STK3: variants seen among roughly 807,000 people sequenced by gnomAD.
The protein encoded by STK3 is serine/threonine-protein kinase 3.
A neutral mutation model predicts 58.0 loss-of-function variants in STK3; 41 were observed. The ratio of observed to expected loss-of-function variants is 0.71; its 90% CI spans 0.55 to 0.92. The LOEUF (loss-of-function observed/expected upper bound fraction) is 0.92, where lower values mean the gene tolerates loss of function less well. Among genes scored for constraint, STK3 ranks in the 40% least tolerant of loss-of-function variants. STK3 has a pLI of 0.00. For missense variants in STK3, 479 were observed against 602.7 expected, an observed-to-expected ratio of 0.79 and a Z score of 2.15; for synonymous variants, 170 against 191.0, an observed-to-expected ratio of 0.89 and a Z score of 0.91.
the STK3 span, among the ~76,000 whole-genome samples, chr8:98,356,786 C>T: frequency 6.6e-5 from 10 of 152,212 alleles, no homozygotes. Flanking sequence ...TTCAACCCCA[C>T]AGCTGGAGTC....
Position 98,445,512 on chromosome 8 carries a change from A to AT in STK3, n.186-8305dup, listed in dbSNP as rs756514037. Among the ~76,000 whole-genome samples, 118 of 152,056 alleles carry AT rather than the reference A, an allele frequency of 7.8e-4. 1 individual carries two copies. Among genetic ancestry groups the AT allele is most frequent in the Middle Eastern group, 6.8e-3 (2 of 294 alleles). ...TATTGAGATATTTTACTTTTTTTGT[A>AT]TTTTTTTGTATTTTCACAGTAAAAT... is the stretch of plus-strand genomic sequence containing the variant. On this transcript the variant is annotated intron_variant and non_coding_transcript_variant, in intron 1 of 3. Coordinates refer to the STK3 transcript ENST00000517832.
intron 6 of STK3, among the ~76,000 whole-genome samples, chr8:98,685,888 G>C (rs1823959744): frequency 6.6e-6 from 1 of 151,936 alleles, no homozygotes; most frequent in African/African-American, 2.4e-5. Flanking sequence ...AGGAAGATAA[G>C]GGCAGGTTCA....
chr8:98,793,966 T>G (rs1434961282), intron 1 of STK3, among the ~76,000 whole-genome samples: 1 of 152,086 alleles, frequency 6.6e-6, no homozygotes, highest in Non-Finnish European at 1.5e-5. Context: ...ACAATTAAAT[T>G]AAAGCAGAAA....
At chr8:98,929,873 G>A (rs1054466466) in intron 1 of STK3, among the ~76,000 whole-genome samples, 1 of 152,174 alleles carries the variant, frequency 6.6e-6, no homozygotes, top group African/African-American at 2.4e-5. Context: ...GAACTTTGTA[G>A]CTGAAAGGAA....
At chr8:98,709,450 T>A (rs529825231) in intron 4 of STK3, among the ~76,000 whole-genome samples, 15 of 152,170 alleles carry the variant, frequency 9.9e-5, no homozygotes, top group Non-Finnish European at 2.1e-4. Flanking sequence ...TCCACACTCA[T>A]TTTAAGAGGC....
intron 10 of STK3, among the ~76,000 whole-genome samples, chr8:98,461,671 A>T (rs1819989351): frequency 6.6e-6 from 1 of 152,064 alleles, no homozygotes; most frequent in Non-Finnish European, 1.5e-5. Context: ...TCTCGTAGGG[A>T]TGCTCTGGTA....
At chr8:98,735,382 T>C (rs1828500902) in intron 4 of STK3, among the ~76,000 whole-genome samples, 1 of 152,172 alleles carries the variant, frequency 6.6e-6, no homozygotes, top group East Asian at 1.9e-4. Flanking sequence ...CTGGGTTATC[T>C]ACAAAGAAGT....
intron 4 of STK3, among the ~76,000 whole-genome samples, chr8:98,723,199 A>G (rs1827561253): frequency 6.6e-6 from 1 of 152,156 alleles, no homozygotes; most frequent in Admixed American, 6.5e-5. Context: ...GAGAGATAAT[A>G]AACCATGAAT....
At chr8:98,489,319 T>G (rs764754593) in intron 10 of STK3, among the ~76,000 whole-genome samples, 1 of 152,172 alleles carries the variant, frequency 6.6e-6, no homozygotes, top group Non-Finnish European at 1.5e-5. Context: ...GTTCTCTACA[T>G]GCCTTCCCAG....
chr8:98,615,481 GAGA>G (rs1217939576), intron 6 of STK3, among the ~76,000 whole-genome samples: 3 of 150,010 alleles, frequency 2.0e-5, no homozygotes, highest in South Asian at 4.3e-4. Flanking sequence ...GACGAGCTGA[GAGA>G]AGAAGGTTTC....
chr8:98,936,612 T>C (rs112829336), intron 1 of STK3, among the ~76,000 whole-genome samples: 195 of 152,316 alleles, frequency 1.3e-3, no homozygotes, highest in African/African-American at 4.4e-3. Context: ...TGGTCAATGA[T>C]GAGACAGAGG....
chr8:98,433,359 C>T (rs1424492195), intron 3 of STK3, among the ~76,000 whole-genome samples: 2 of 152,118 alleles, frequency 1.3e-5, no homozygotes, highest in African/African-American at 4.8e-5. Context: ...ATTGGGGAAC[C>T]CTGAGTGTCC....
At chr8:98,645,297 T>C (rs1486856050) in intron 6 of STK3, among the ~76,000 whole-genome samples, 1 of 152,084 alleles carries the variant, frequency 6.6e-6, no homozygotes, top group Non-Finnish European at 1.5e-5. Context: ...CTCAGTAGAG[T>C]CCTTAAACAT....
At chr8:98,533,287 A>T (rs1287098956) in intron 9 of STK3, among the ~76,000 whole-genome samples, 1 of 152,090 alleles carries the variant, frequency 6.6e-6, no homozygotes, top group Non-Finnish European at 1.5e-5. Flanking sequence ...GTTGCAAGTA[A>T]TCTTATTTTT....
At chr8:98,753,479 A>C (rs1261871647) in intron 3 of STK3, among the ~76,000 whole-genome samples, 3 of 152,152 alleles carry the variant, frequency 2.0e-5, no homozygotes, top group African/African-American at 7.2e-5. Context: ...AGAAGGTGGA[A>C]GGTGGAAGGA....
chr8:98,346,040 C>G, the STK3 span, among the ~76,000 whole-genome samples: 1 of 152,046 alleles, frequency 6.6e-6, no homozygotes, highest in African/African-American at 2.4e-5. Context: ...AATCCCAGCA[C>G]TTTGGGAGGC....
At chr8:98,858,303 TATATATATATATATATATATAGAGAGAG>T (rs1242588171) in intron 3 of STK3, among the ~76,000 whole-genome samples, 1 of 60,380 alleles carries the variant, frequency 1.7e-5, no homozygotes, top group African/African-American at 6.3e-5. Context: ...TATATATATA[TATATATATATATATATATATAGAGAGAG>T]AGAGAGAGAG....
chr8:98,876,213 C>T (rs955753782), intron 3 of STK3, among the ~76,000 whole-genome samples: 21 of 152,238 alleles, frequency 1.4e-4, no homozygotes, highest in Middle Eastern at 3.4e-3. Context: ...TAATCTAGCA[C>T]GTTTAGGAAC....
Position 98,571,393 on chromosome 8 carries a change from G to C in STK3, c.948+8271C>G, listed in dbSNP as rs564131248. Among the ~76,000 whole-genome samples, 109 of 152,174 alleles carry C rather than the reference G, an allele frequency of 7.2e-4. 1 individual carries two copies. Among genetic ancestry groups the C allele is most frequent in the African/African-American group, 2.6e-3 (108 of 41,538 alleles). On this transcript the variant is annotated intron_variant, in intron 8 of 10. Coordinates refer to ENST00000419617, the MANE Select transcript of STK3 (RefSeq NM_006281.4). Reference sequence around the variant, plus strand: ...TGAACAGGGGTAAGGGGAAAGAGGGGAAGGCGGGGGAAGTTTCTGTCTAAG... The same window carrying C: ...TGAACAGGGGTAAGGGGAAAGAGGGCAAGGCGGGGGAAGTTTCTGTCTAAG...
Sources: gnomAD v4.1 joint callset for allele counts (sites outside exome capture counted in the v4.1 genomes callset) on GRCh38, gnomAD v4.1.1 for gene constraint, MANE v1.5 for transcripts, NCBI Gene and HGNC (gene_info 2026-07-23, HGNC 2026-07-21) for gene names.